RAPGEFL1: variants seen among roughly 807,000 people sequenced by gnomAD.
RAPGEFL1 encodes rap guanine nucleotide exchange factor-like 1.
In RAPGEFL1, 31 loss-of-function variants were observed where a neutral mutation model predicts 64.4. That is an observed-to-expected ratio of 0.48 (90% CI 0.36 to 0.65). The LOEUF (loss-of-function observed/expected upper bound fraction) is 0.65. Ranked by LOEUF, RAPGEFL1 falls within the 30% of genes least tolerant of loss-of-function variation. RAPGEFL1 has a pLI of 0.00. For missense variants in RAPGEFL1, 682 were observed against 677.4 expected, an observed-to-expected ratio of 1.01 and a Z score of -0.08; for synonymous variants, 331 against 274.1, an observed-to-expected ratio of 1.21 and a Z score of -2.05.
chr17:40,177,595 C>G lies in RAPGEFL1; in HGVS notation c.-267C>G, dbSNP rs1015055210. The G allele has an allele frequency of 1.0e-5, 4 of 391,772 alleles. No homozygotes were observed. Among genetic ancestry groups the G allele is most frequent in the African/African-American group, 8.4e-5 (4 of 47,562 alleles). The allele number at this position is 391,772 out of a possible 1,614,324, so 24.3% of individuals were successfully genotyped here. ...GAGCCGGGCGCACCGGCCCCGCAGCCTGCCCACTCTTCGGGCCGCGTGCCG... is the reference window on the plus strand; with the variant it reads ...GAGCCGGGCGCACCGGCCCCGCAGCGTGCCCACTCTTCGGGCCGCGTGCCG... On this transcript the variant is annotated 5_prime_UTR_variant, in exon 1 of 15. Transcript: ENST00000620260.
At chr17:40,181,792 A>T (rs1489651384) in intron 2 of RAPGEFL1, 98 bp downstream of exon 2, 1 of 668,448 alleles carries the variant, frequency 1.5e-6, no homozygotes, top group East Asian at 2.8e-5. Context: ...CCTAGGAAAC[A>T]TACCTGGGGC....
chr17:40,177,348 T>A (rs1415841742), upstream of RAPGEFL1: 1 of 599,648 alleles, frequency 1.7e-6, no homozygotes, highest in Non-Finnish European at 3.1e-6. Context: ...CCTTACTGTT[T>A]CCCTCGCGGT....
rs1990255148 is a variant in RAPGEFL1 at position 40,191,324 on chromosome 17, C to T, written c.1344C>T (p.Phe448=). The T allele has an allele frequency of 6.3e-7, 1 of 1,581,404 alleles. No individual in the cohort carries two copies. Among genetic ancestry groups the T allele is most frequent in the Non-Finnish European group, 8.5e-7 (1 of 1,172,634 alleles). ...ELFRCVHELE[F]VDYVFHGERG... ...CGCTGCCGTGGGTGCAGCTGGAGTT[C>T]GTGGACTACGTGTTCCACGGGGAGC... The change falls in exon 9 of 15, where the codon TTC becomes TTT. Residue 448 remains phenylalanine, a synonymous_variant. Transcript: ENST00000620260. This position sits in a 1 kb window ranked among gnomAD's most constrained non-coding sequence, Gnocchi z 5.1.
In RAPGEFL1 at chr17:40,177,565, G is replaced by T. The variant is rs2145195161; in HGVS notation, c.-297G>T. On this transcript the variant is annotated 5_prime_UTR_variant, in exon 1 of 15. Coordinates refer to ENST00000620260, the MANE Select transcript of RAPGEFL1 (RefSeq NM_016339.6). ...TCCGCCCGCTGCCTCTGCCGCCGCA[G>T]CGCAGAGCCGGGCGCACCGGCCCCG... is the stretch of plus-strand genomic sequence containing the variant. The T allele has an allele frequency of 2.3e-6, 1 of 440,992 alleles. No individual in the cohort carries two copies. The highest frequency in any genetic ancestry group is 4.3e-5 in the South Asian group (1 of 23,156). The allele number at this position is 440,992 out of a possible 1,614,324, so 27.3% of individuals were successfully genotyped here.
chr17:40,184,136 G>A (rs1396057705), intron 2 of RAPGEFL1, 78 bp from the exon 3 acceptor site: 11 of 1,096,846 alleles, frequency 1.0e-5, no homozygotes, highest in African/African-American at 3.1e-5. Flanking sequence ...GAGCCACTGC[G>A]CCCAGCCTAG....
chr17:40,188,947 G>C lies in RAPGEFL1; in HGVS notation c.915G>C (p.Gln305His). 1 of 1,614,240 alleles carries C rather than the reference G, an allele frequency of 6.2e-7. No individual in the cohort carries two copies. The highest frequency in any genetic ancestry group is 8.5e-7 in the Non-Finnish European group (1 of 1,180,054). ...RHFRRIDSCL[Q>H]TRVAFRGSDE... ...TCCGCCGGATAGACTCCTGTCTGCAGACCCGGGTGGCCTTCCGGGGCTCTG... is the reference window on the plus strand; with the variant it reads ...TCCGCCGGATAGACTCCTGTCTGCACACCCGGGTGGCCTTCCGGGGCTCTG... The change falls in exon 5 of 15, where the codon CAG becomes CAC. Residue 305 changes from glutamine (Q) to histidine (H), a missense_variant. Physicochemically the swap from Gln to His is conservative, Grantham distance 24 (BLOSUM62 0). Around this residue, in one of 2 missense-constraint regions of RAPGEFL1, gnomAD observed 411 missense variants for 519.4 expected, o/e 0.79. Coordinates refer to ENST00000620260, the MANE Select transcript of RAPGEFL1 (RefSeq NM_016339.6).
At chr17:40,187,902 C>T (rs1166836158) in intron 4 of RAPGEFL1, among the ~76,000 whole-genome samples, 18 of 148,448 alleles carry the variant, frequency 1.2e-4, no homozygotes, top group Admixed American at 6.8e-4. Context: ...CGTGAGCCAC[C>T]GCGCCTGGCC....
chr17:40,190,498 G>C lies in RAPGEFL1; in HGVS notation c.1179G>C (p.Leu393=), dbSNP rs527986885. The C allele has an allele frequency of 1.2e-6, 2 of 1,614,164 alleles. No individual in the cohort carries two copies. The highest frequency in any genetic ancestry group is 4.5e-5 in the East Asian group (2 of 44,882). Residue 393 remains leucine (L), a synonymous_variant, in exon 7 of 15, where the codon CTG becomes CTC. Transcript: ENST00000620260. The part of the protein sequence containing the change: ...VFTALGINSH[L]FACTRDSYEA... Reference sequence around the variant, plus strand: ...CCGCACTGGGCATCAACAGCCACCTGTTTGCCTGTACTCGGGACAGCTATG... The same window carrying C: ...CCGCACTGGGCATCAACAGCCACCTCTTTGCCTGTACTCGGGACAGCTATG...
Position 40,190,620 on chromosome 17 carries a change from A to C in RAPGEFL1, c.1213-20A>C. The C allele has an allele frequency of 6.2e-7, 1 of 1,613,982 alleles. No homozygotes were observed. The highest frequency in any genetic ancestry group is 8.5e-7 in the Non-Finnish European group (1 of 1,179,922). ...CCCTGCCACCAGGAGCCCAGCCCCT[A>C]TGCCCCTGCCTGCCACCAGGTGCCC... On this transcript the variant is annotated intron_variant, in intron 7 of 14. Coordinates refer to ENST00000620260, the MANE Select transcript of RAPGEFL1 (RefSeq NM_016339.6).
chr17:40,185,546 T>C (rs904774566), intron 4 of RAPGEFL1, among the ~76,000 whole-genome samples: 4 of 144,658 alleles, frequency 2.8e-5, no homozygotes, highest in African/African-American at 7.6e-5. Context: ...AAAAAGGCTG[T>C]GTGCCAAGGC....
chr17:40,177,361 A>G, upstream of RAPGEFL1: 1 of 559,602 alleles, frequency 1.8e-6, no homozygotes, highest in Non-Finnish European at 3.4e-6. Context: ...CTCGCGGTCA[A>G]CCCCAGCGCG....
chr17:40,193,281 TG>T, intron 13 of RAPGEFL1, 81 bp from the exon 14 acceptor site: 1 of 1,439,592 alleles, frequency 6.9e-7, no homozygotes, highest in Non-Finnish European at 9.8e-7. Flanking sequence ...TAAAGCAGAG[TG>T]GGAGAATGGC....
chr17:40,191,154 T>G lies in RAPGEFL1; in HGVS notation c.1336-162T>G. 1.5e-6 allele frequency: 1 copy of G among 671,754 alleles called. No individual in the cohort carries two copies. Among genetic ancestry groups the G allele is most frequent in the Non-Finnish European group, 2.4e-6 (1 of 411,652 alleles). The allele number at this position is 671,754 out of a possible 1,614,324, so 41.6% of individuals were successfully genotyped here. On this transcript the variant is annotated intron_variant, in intron 8 of 14. Transcript: ENST00000620260. The surrounding 1 kb of genome is among the most constrained non-coding windows in gnomAD (Gnocchi z 5.1). ...TTATTAATGCTGGTTGTTTTCTTTT[T>G]CCGCATCTTTGCCGCCTCCTGTCCT...
At chr17:40,183,930 G>C (rs1426831396) in intron 2 of RAPGEFL1, among the ~76,000 whole-genome samples, 1 of 133,448 alleles carries the variant, frequency 7.5e-6, no homozygotes, top group African/African-American at 2.9e-5. Flanking sequence ...TGCAACCTCT[G>C]CCTCCCAGGT....
At chr17:40,178,413 C>T (rs754914077) in intron 1 of RAPGEFL1, 32 bp downstream of exon 1, 47 of 474,662 alleles carry the variant, frequency 9.9e-5, no homozygotes, top group African/African-American at 9.2e-4. Context: ...ACACCCAGAG[C>T]AGGGGCTGGC....
chr17:40,184,486 G>A, intron 3 of RAPGEFL1, 95 bp from the exon 4 acceptor site: 2 of 1,117,690 alleles, frequency 1.8e-6, no homozygotes, highest in Non-Finnish European at 2.6e-6. Context: ...TGGCTCTCCT[G>A]TGCTTAAAGG....
chr17:40,179,191 T>G (rs1200791517), intron 1 of RAPGEFL1, among the ~76,000 whole-genome samples: 2 of 151,952 alleles, frequency 1.3e-5, no homozygotes, highest in Admixed American at 1.3e-4. Flanking sequence ...CTCAGCCTCC[T>G]GAGTAGCTGG....
intron 8 of RAPGEFL1, 128 bp downstream of exon 8, chr17:40,190,890 C>G (rs1990239457): frequency 1.3e-5 from 19 of 1,412,070 alleles, no homozygotes; most frequent in Non-Finnish European, 1.8e-5. Flanking sequence ...AACGCATGGC[C>G]GTAACCTTTG....
intron 1 of RAPGEFL1, among the ~76,000 whole-genome samples, chr17:40,178,651 A>G (rs1296325269): frequency 6.6e-6 from 1 of 152,166 alleles, no homozygotes; most frequent in Non-Finnish European, 1.5e-5. Flanking sequence ...TCCCCTGGGC[A>G]TTGGAGCCAC....
Sources: allele counts gnomAD v4.1 joint callset (sites outside exome capture counted in the v4.1 genomes callset), GRCh38; gene constraint gnomAD v4.1.1; regional missense constraint gnomAD v4.1.1; non-coding constraint Gnocchi (gnomAD v3.1); transcripts MANE v1.5; gene names NCBI Gene and HGNC (gene_info 2026-07-23, HGNC 2026-07-21).